PDE4D: variants seen among roughly 807,000 people sequenced by gnomAD.
The protein encoded by PDE4D is phosphodiesterase 4D, also known as 3',5'-cyclic-AMP phosphodiesterase 4D.
Under a neutral mutation model 87.4 loss-of-function variants are expected in PDE4D, and 24 were observed. That is an observed-to-expected ratio of 0.27 (90% confidence interval 0.20 to 0.39). The LOEUF (loss-of-function observed/expected upper bound fraction) is 0.39. Among genes scored for constraint, PDE4D ranks in the 10% least tolerant of loss-of-function variants. The pLI, the probability that PDE4D is intolerant of heterozygous loss-of-function variation, is 1.00. For synonymous variants in PDE4D, 384 were observed against 383.2 expected, an observed-to-expected ratio of 1.00 and a Z score of -0.02; for missense variants, 714 against 1,041.0, an observed-to-expected ratio of 0.69 and a Z score of 4.32.
At chr5:59,297,253 G>GGCTTCTATA (rs1229536186) in intron 1 of PDE4D, among the ~76,000 whole-genome samples, 1 of 152,120 alleles carries the variant, frequency 6.6e-6, no homozygotes, top group Non-Finnish European at 1.5e-5. Flanking sequence ...CATTTGTTTA[G>GGCTTCTATA]GCTTCTATAA....
At chr5:59,790,386 G>T (rs78376728) in intron 1 of PDE4D, among the ~76,000 whole-genome samples, 1 of 152,002 alleles carries the variant, frequency 6.6e-6, no homozygotes, top group Non-Finnish European at 1.5e-5. Flanking sequence ...AAAATATTTC[G>T]GGCTTCATGT....
At chr5:60,183,992 T>A (rs977411459) in intron 2 of PDE4D, among the ~76,000 whole-genome samples, 2 of 152,072 alleles carry the variant, frequency 1.3e-5, no homozygotes, top group Admixed American at 6.6e-5. Context: ...GAAATGAGAG[T>A]TCTACTGTTT....
chr5:59,395,580 GT>G (rs1789241803), intron 1 of PDE4D, among the ~76,000 whole-genome samples: 2 of 150,028 alleles, frequency 1.3e-5, no homozygotes, highest in African/African-American at 4.9e-5. Context: ...AAACCCATCT[GT>G]ACATCACCAT....
At chr5:60,211,974 G>A (rs566525875) in intron 1 of PDE4D, among the ~76,000 whole-genome samples, 10 of 152,268 alleles carry the variant, frequency 6.6e-5, no homozygotes, top group African/African-American at 2.4e-4. Context: ...CAAGAAATCT[G>A]TGTTTTGGAG....
chr5:59,008,585 A>G lies in PDE4D; in HGVS notation c.922-15120T>C, dbSNP rs555666253. On this transcript the variant is annotated intron_variant, in intron 6 of 14. Transcript: ENST00000340635. ...TTTATCCTGCACCACACTAACATCT[A>G]CTTGAAATGAATCATAGAACTAAAT... Among the ~76,000 whole-genome samples, 5 of 152,212 alleles carry G rather than the reference A, an allele frequency of 3.3e-5. No individual in the cohort carries two copies. In the South Asian group the frequency reaches 1.0e-3, roughly 32 times the overall value.
rs372948723 is a variant in PDE4D at position 60,100,915 on chromosome 5, G to A, written c.42+84642C>T. Among the ~76,000 whole-genome samples, 171 of 152,168 alleles carry A rather than the reference G, an allele frequency of 1.1e-3. 1 individual carries two copies. In the Middle Eastern group the frequency reaches 0.014, roughly 12 times the overall value. ...AGGTGTTTTAAATACATCCATCTGT[G>A]AGAAGACTTCAAAATGGATTTTGCA... On this transcript the variant is annotated intron_variant, in intron 2 of 16. Coordinates refer to the PDE4D transcript ENST00000502484.
chr5:59,277,774 C>T (rs1581729697), intron 1 of PDE4D, among the ~76,000 whole-genome samples: 2 of 152,322 alleles, frequency 1.3e-5, no homozygotes, highest in East Asian at 3.9e-4. Flanking sequence ...CCTGATGCTA[C>T]TCCCTTCTCT....
At chr5:59,788,796 G>T (rs1765458861) in intron 1 of PDE4D, among the ~76,000 whole-genome samples, 1 of 152,204 alleles carries the variant, frequency 6.6e-6, no homozygotes. Flanking sequence ...AACCTCCCTT[G>T]TTGCATTAGG....
intron 1 of PDE4D, among the ~76,000 whole-genome samples, chr5:60,422,041 AT>A (rs1743157317): frequency 6.6e-6 from 1 of 152,244 alleles, no homozygotes; most frequent in South Asian, 2.1e-4. Flanking sequence ...ATATGGGACT[AT>A]GTGAAAAGAC....
intron 2 of PDE4D, among the ~76,000 whole-genome samples, chr5:60,028,874 A>C (rs1057450281): frequency 6.6e-6 from 1 of 152,166 alleles, no homozygotes; most frequent in South Asian, 2.1e-4. Flanking sequence ...AGGCCAAGTC[A>C]ATGACAACTT....
At chr5:59,307,794 T>A (rs1171066234) in intron 1 of PDE4D, among the ~76,000 whole-genome samples, 2 of 152,074 alleles carry the variant, frequency 1.3e-5, no homozygotes, top group Non-Finnish European at 1.5e-5. Context: ...ATTGTGGAAG[T>A]CAGTGTGGCG....
intron 1 of PDE4D, among the ~76,000 whole-genome samples, chr5:59,492,705 T>C (rs767489894): frequency 1.3e-5 from 2 of 151,572 alleles, no homozygotes; most frequent in Admixed American, 6.6e-5. Context: ...GTCTATTATA[T>C]GTTTAGGCTG....
At chr5:60,183,811 A>AT (rs1300376063) in intron 2 of PDE4D, among the ~76,000 whole-genome samples, 1 of 152,224 alleles carries the variant, frequency 6.6e-6, no homozygotes, top group African/African-American at 2.4e-5. Context: ...GGAGGGTTAT[A>AT]TGCTCAGACC....
chr5:59,507,732 G>A (rs1809549818), intron 1 of PDE4D, among the ~76,000 whole-genome samples: 1 of 150,308 alleles, frequency 6.7e-6, no homozygotes, highest in Admixed American at 6.6e-5. Flanking sequence ...CAGTGTTGAG[G>A]AAAAGAAGCT....
intron 1 of PDE4D, among the ~76,000 whole-genome samples, chr5:59,263,445 A>C (rs1015932744): frequency 8.6e-5 from 13 of 151,994 alleles, no homozygotes; most frequent in African/African-American, 3.1e-4. Flanking sequence ...CTTCAGAAGA[A>C]ATGTCCACTG....
At chr5:60,426,656 T>A (rs1292882003) in intron 1 of PDE4D, among the ~76,000 whole-genome samples, 1 of 152,154 alleles carries the variant, frequency 6.6e-6, no homozygotes, top group Non-Finnish European at 1.5e-5. Context: ...GCTGTGCGCA[T>A]GTACCCTAGA....
chr5:59,285,226 A>AAAG (rs1554121058), intron 1 of PDE4D, among the ~76,000 whole-genome samples: 5 of 151,318 alleles, frequency 3.3e-5, no homozygotes, highest in African/African-American at 1.2e-4. Context: ...AAAAAAAAAA[A>AAAG]AGAAAACAGG....
intron 2 of PDE4D, among the ~76,000 whole-genome samples, chr5:60,061,863 A>G (rs182925162): frequency 6.6e-6 from 1 of 152,312 alleles, no homozygotes; most frequent in Non-Finnish European, 1.5e-5. Flanking sequence ...GGCTAGCTAT[A>G]TGCAGAAGAC....
chr5:59,991,251 T>G (rs1582076676), intron 2 of PDE4D, among the ~76,000 whole-genome samples: 1 of 152,172 alleles, frequency 6.6e-6, no homozygotes, highest in African/African-American at 2.4e-5. Flanking sequence ...GAGTACTTCA[T>G]AACTGGAAGG....
Sources: gnomAD v4.1 joint callset for allele counts (sites outside exome capture counted in the v4.1 genomes callset) on GRCh38, gnomAD v4.1.1 for gene constraint, MANE v1.5 for transcripts, NCBI Gene and HGNC (gene_info 2026-07-23, HGNC 2026-07-21) for gene names.